Variants in DRC9 observed in about 807,000 individuals in gnomAD.
DRC9 encodes the protein dynein regulatory complex subunit 9.
the DRC9 span, among the ~76,000 whole-genome samples, chr3:197,948,124 G>A: frequency 6.6e-6 from 1 of 151,728 alleles, no homozygotes; most frequent in Non-Finnish European, 1.5e-5. Flanking sequence ...GTAGAGACAG[G>A]GTTTCACTAT....
At chr3:197,954,308 G>T in the DRC9 span, 1 of 745,428 alleles carries the variant, frequency 1.3e-6, no homozygotes, top group Non-Finnish European at 2.3e-6. Flanking sequence ...GTAATTGAAA[G>T]AATTAGGTGT....
the DRC9 span, among the ~76,000 whole-genome samples, chr3:197,895,263 ATTATT>A: frequency 6.6e-6 from 1 of 152,074 alleles, no homozygotes; most frequent in African/African-American, 2.4e-5. Context: ...TTCTATTTAC[ATTATT>A]TTATTTATTT....
At chr3:197,932,496 G>A in the DRC9 span, among the ~76,000 whole-genome samples, 6 of 151,742 alleles carry the variant, frequency 4.0e-5, no homozygotes, top group East Asian at 1.9e-4. Context: ...TTAGCCAGGC[G>A]CGGTGGCAGG....
the DRC9 span, among the ~76,000 whole-genome samples, chr3:197,908,701 G>GT: frequency 1.8e-4 from 27 of 149,640 alleles, no homozygotes; most frequent in African/African-American, 6.2e-4. Flanking sequence ...CACAGGGGTG[G>GT]TGACTGTACC....
the DRC9 span, chr3:197,913,742 T>C: frequency 2.2e-6 from 2 of 921,028 alleles, no homozygotes; most frequent in Non-Finnish European, 3.6e-6. Context: ...GGCTTTTATT[T>C]TCAACCTCAA....
chr3:197,920,209 A>AAAAAT, the DRC9 span, among the ~76,000 whole-genome samples: 3 of 152,182 alleles, frequency 2.0e-5, no homozygotes, highest in South Asian at 2.1e-4. Flanking sequence ...ATCACATCTC[A>AAAAAT]AAAATAAAAT....
chr3:197,951,068 T>C, the DRC9 span: 2 of 1,602,094 alleles, frequency 1.2e-6, no homozygotes, highest in South Asian at 1.1e-5. Flanking sequence ...ACTTAGATGT[T>C]TGCTCTGAGT....
chr3:197,910,291 C>A, the DRC9 span, among the ~76,000 whole-genome samples: 5 of 151,992 alleles, frequency 3.3e-5, no homozygotes, highest in African/African-American at 9.7e-5. Flanking sequence ...CAGAGAGAGA[C>A]CCTGTCCCTA....
the DRC9 span, among the ~76,000 whole-genome samples, chr3:197,955,211 C>T: frequency 6.6e-6 from 1 of 151,890 alleles, no homozygotes; most frequent in East Asian, 1.9e-4. Context: ...ACAGAGGAGG[C>T]TTTTACTCTG....
At chr3:197,917,344 G>A in the DRC9 span, among the ~76,000 whole-genome samples, 7 of 152,170 alleles carry the variant, frequency 4.6e-5, no homozygotes, top group South Asian at 4.1e-4. Flanking sequence ...GAATCAGAAC[G>A]GAATTCTTCA....
At chr3:197,929,253 T>G in the DRC9 span, among the ~76,000 whole-genome samples, 1 of 152,188 alleles carries the variant, frequency 6.6e-6, no homozygotes, top group African/African-American at 2.4e-5. The surrounding 1 kb of genome is among the most constrained non-coding windows in gnomAD (Gnocchi z 4.6). Context: ...ACAATAACCA[T>G]TACTTCTTCA....
At chr3:197,895,083 G>A in the DRC9 span, among the ~76,000 whole-genome samples, 1 of 151,814 alleles carries the variant, frequency 6.6e-6, no homozygotes, top group African/African-American at 2.4e-5. Flanking sequence ...GATTATGTTA[G>A]AACAACATGT....
chr3:197,918,790 A>G, the DRC9 span, among the ~76,000 whole-genome samples: 2 of 152,258 alleles, frequency 1.3e-5, no homozygotes, highest in South Asian at 2.1e-4. Context: ...AACAGAAGGT[A>G]CTGCATCATG....
the DRC9 span, chr3:197,950,855 C>T: frequency 1.3e-5 from 17 of 1,335,660 alleles, no homozygotes; most frequent in Admixed American, 2.9e-4. Context: ...AAGGAATTTG[C>T]TTTAGGGGCT....
the DRC9 span, among the ~76,000 whole-genome samples, chr3:197,904,113 T>A: frequency 6.9e-4 from 72 of 104,978 alleles, no homozygotes; most frequent in African/African-American, 1.4e-3. Flanking sequence ...TATATATATT[T>A]TTTTTTTTAA....
At chr3:197,950,427 TC>T in the DRC9 span, 1 of 857,908 alleles carries the variant, frequency 1.2e-6, no homozygotes, top group Non-Finnish European at 1.5e-6. Context: ...GCCCGGGTTA[TC>T]CCAGTTAAAT....
the DRC9 span, among the ~76,000 whole-genome samples, chr3:197,893,178 A>G: frequency 6.6e-6 from 1 of 151,840 alleles, no homozygotes; most frequent in Non-Finnish European, 1.5e-5. Context: ...ACCAACGTGG[A>G]GAAGCCCCGT....
the DRC9 span, chr3:197,913,099 A>G: frequency 7.4e-4 from 160 of 216,998 alleles, no homozygotes; most frequent in Admixed American, 2.6e-3. Context: ...CGTCAGTCTC[A>G]GAGCGAGGAG....
the DRC9 span, chr3:197,894,690 T>C: frequency 2.0e-5 from 3 of 152,214 alleles, no homozygotes; most frequent in Non-Finnish European, 2.9e-5. Flanking sequence ...TCGGGGACGA[T>C]GCACCTCAAG....
Sources: gnomAD v4.1 joint callset for allele counts (sites outside exome capture counted in the v4.1 genomes callset) on GRCh38, gnomAD v4.1.1 for gene constraint, Gnocchi (gnomAD v3.1) non-coding constraint, MANE v1.5 for transcripts, NCBI Gene and HGNC (gene_info 2026-07-23, HGNC 2026-07-21) for gene names.